Variants in BMPR2 observed in about 807,000 individuals in gnomAD.
BMPR2 encodes the protein bone morphogenetic protein receptor type 2.
Under a neutral mutation model 100.8 loss-of-function variants are expected in BMPR2, and 29 were observed. That is an observed-to-expected ratio of 0.29 (90% confidence interval 0.21 to 0.39). BMPR2 has a LOEUF of 0.39. BMPR2 is among the 10% of genes least tolerant of loss of function. The pLI is 1.00. For synonymous variants in BMPR2, 382 were observed against 442.3 expected, an observed-to-expected ratio of 0.86 and a Z score of 1.71; for missense variants, 1,011 against 1,274.5, an observed-to-expected ratio of 0.79 and a Z score of 3.15.
At chr2:202,542,644 C>G (rs1248154883) in intron 10 of BMPR2, among the ~76,000 whole-genome samples, 197 bp downstream of exon 10, 1 of 151,746 alleles carries the variant, frequency 6.6e-6, no homozygotes, top group East Asian at 1.9e-4. Context: ...TTGTTTTTTT[C>G]CAAGCTTAAA....
In BMPR2 at chr2:202,377,503, G is replaced by A. The variant is rs761823322; in HGVS notation, c.29G>A (p.Arg10Gln). MTSSLQRPW[R>Q]VPWLPWTILL... ...ACTTCCTCGCTGCAGCGGCCCTGGC[G>A]GGTGCCCTGGCTACCATGGACCATC... Residue 10 changes from arginine to glutamine, a missense_variant, in exon 1 of 13, where the codon CGG becomes CAG. Coordinates refer to ENST00000374580, the MANE Select transcript of BMPR2 (RefSeq NM_001204.7). The A allele has an allele frequency of 3.4e-5, 55 of 1,614,126 alleles. No homozygotes were observed. Among genetic ancestry groups the A allele is most frequent in the Non-Finnish European group, 4.2e-5 (50 of 1,180,048 alleles).
At chr2:202,408,628 A>C (rs981143702) in intron 1 of BMPR2, among the ~76,000 whole-genome samples, 1 of 152,222 alleles carries the variant, frequency 6.6e-6, no homozygotes, top group African/African-American at 2.4e-5. Context: ...TGTTTTTAGA[A>C]TAAATAAAAA....
chr2:202,552,080 C>A lies in BMPR2; in HGVS notation c.1414-636C>A, dbSNP rs185571276. 8.5e-5 allele frequency among the ~76,000 whole-genome samples: 13 copies of A among 152,236 alleles called. No individual in the cohort carries two copies. The East Asian group carries it at 2.5e-3, about 29-fold the overall frequency. On this transcript the variant is annotated intron_variant, in intron 10 of 12. Coordinates refer to ENST00000374580, the MANE Select transcript of BMPR2 (RefSeq NM_001204.7). ...GTATTGGCCAGGCTGGTCTCGAACT[C>A]CTGACCTCGTGATCCACCCGACTTG...
intron 3 of BMPR2, among the ~76,000 whole-genome samples, chr2:202,470,033 T>C (rs1259669387): frequency 6.6e-6 from 1 of 152,164 alleles, no homozygotes; most frequent in African/African-American, 2.4e-5. Flanking sequence ...CCATCGTAGA[T>C]GCATTATAGG....
intron 1 of BMPR2, among the ~76,000 whole-genome samples, chr2:202,407,630 G>A (rs1052609826): frequency 1.1e-4 from 17 of 151,488 alleles, no homozygotes; most frequent in African/African-American, 3.9e-4. Flanking sequence ...TCAGCCAGGC[G>A]TGGTGGCGGG....
chr2:202,459,974 A>G (rs939919563), intron 1 of BMPR2, among the ~76,000 whole-genome samples: 7 of 152,256 alleles, frequency 4.6e-5, no homozygotes, highest in African/African-American at 1.7e-4. Flanking sequence ...TTTCAAAAGA[A>G]GACATGCATA....
chr2:202,427,358 CAAAAAAAAAAAA>C (rs397872093), intron 1 of BMPR2, among the ~76,000 whole-genome samples: 3 of 78,860 alleles, frequency 3.8e-5, no homozygotes, highest in African/African-American at 1.5e-4. Flanking sequence ...GACCCTGGCT[CAAAAAAAAAAAA>C]AAAAAAAAAA....
chr2:202,406,710 G>A (rs983606009), intron 1 of BMPR2, among the ~76,000 whole-genome samples: 4 of 152,160 alleles, frequency 2.6e-5, no homozygotes, highest in Non-Finnish European at 5.9e-5. Context: ...TTGGATCATG[G>A]TGTCATTCCA....
At position 202,383,850 on chromosome 2, in the gene BMPR2, C is replaced by CA. The variant is rs995434945; in HGVS notation, c.76+6313dup. On this transcript the variant is annotated intron_variant, in intron 1 of 12. Coordinates refer to ENST00000374580, the MANE Select transcript of BMPR2 (RefSeq NM_001204.7). Reference sequence around the variant, plus strand: ...TGGGTGACAGGGCGAGACTCCATCTCAAAAAAAAAAAAATTACTATTTTCA... The same window carrying CA: ...TGGGTGACAGGGCGAGACTCCATCTCAAAAAAAAAAAAAATTACTATTTTCA... 5.7e-3 allele frequency among the ~76,000 whole-genome samples: 791 copies of CA among 139,424 alleles called. 2 individuals are homozygous for CA. The highest frequency in any genetic ancestry group is 8.8e-3 in the Non-Finnish European group (560 of 63,874). The allele number at this position is 139,424 out of a possible 152,430, so 91.5% of individuals were successfully genotyped here. A position where few individuals can be genotyped will look rare whatever the true frequency, so the allele number is the denominator to read the frequency against.
chr2:202,412,912 C>CTGTG (rs34767100), intron 1 of BMPR2, among the ~76,000 whole-genome samples: 27 of 150,386 alleles, frequency 1.8e-4, no homozygotes, highest in South Asian at 6.3e-4. Flanking sequence ...GTACTATATG[C>CTGTG]TGTGTGTGTG....
chr2:202,471,602 AT>A (rs1422097657), intron 3 of BMPR2, among the ~76,000 whole-genome samples: 1 of 152,156 alleles, frequency 6.6e-6, no homozygotes, highest in East Asian at 1.9e-4. Flanking sequence ...CAAATTAGGA[AT>A]GTTCTGTTAC....
At chr2:202,553,717 C>T (rs1285437965) in intron 11 of BMPR2, among the ~76,000 whole-genome samples, 1 of 150,756 alleles carries the variant, frequency 6.6e-6, no homozygotes, top group Non-Finnish European at 1.5e-5. Context: ...GAAACTGTGT[C>T]TTACTCTGTC....
chr2:202,379,943 C>G (rs567136989), intron 1 of BMPR2, among the ~76,000 whole-genome samples: 1 of 152,014 alleles, frequency 6.6e-6, no homozygotes, highest in African/African-American at 2.4e-5. Context: ...CCACAACTTC[C>G]GCCTCCCAGG....
At chr2:202,440,134 A>G (rs1167834032) in intron 1 of BMPR2, among the ~76,000 whole-genome samples, 6 of 150,852 alleles carry the variant, frequency 4.0e-5, no homozygotes, top group Middle Eastern at 6.8e-3. Context: ...ACACAGACAC[A>G]GTAACAATCT....
chr2:202,554,943 A>G (rs973784687), intron 11 of BMPR2, among the ~76,000 whole-genome samples: 1 of 152,204 alleles, frequency 6.6e-6, no homozygotes, highest in African/African-American at 2.4e-5. Context: ...ATAAATATAT[A>G]TTTCATGATG....
At chr2:202,445,179 T>C (rs978819245) in intron 1 of BMPR2, among the ~76,000 whole-genome samples, 1 of 150,536 alleles carries the variant, frequency 6.6e-6, no homozygotes, top group Non-Finnish European at 1.5e-5. Flanking sequence ...CTTTTTTGTA[T>C]AGGAGTCCCA....
chr2:202,545,930 A>C (rs1688367405), intron 10 of BMPR2, among the ~76,000 whole-genome samples: 1 of 152,226 alleles, frequency 6.6e-6, no homozygotes, highest in African/African-American at 2.4e-5. Context: ...CCTAAAAGAA[A>C]AATCTGTGAA....
chr2:202,469,476 A>T (rs1296335271), intron 3 of BMPR2: 3 of 306,154 alleles, frequency 9.8e-6, no homozygotes, highest in Non-Finnish European at 2.0e-5. Flanking sequence ...TTTTATTTTT[A>T]TTTTATTTAT....
At position 202,465,256 on chromosome 2, in the gene BMPR2, G is replaced by A. The variant is rs528820213; in HGVS notation, c.247+277G>A. 3.2e-4 allele frequency among the ~76,000 whole-genome samples: 48 copies of A among 152,018 alleles called. 1 individual carries two copies. The South Asian group carries it at 8.1e-3, about 26-fold the overall frequency. ...ATACAAAAATTAGTCGGGTATGGTGGTGTGCGCCTGTGGTCCCAGCTACTC... is the reference window on the plus strand; with the variant it reads ...ATACAAAAATTAGTCGGGTATGGTGATGTGCGCCTGTGGTCCCAGCTACTC... On this transcript the variant is annotated intron_variant, in intron 2 of 12. Coordinates refer to ENST00000374580, the MANE Select transcript of BMPR2 (RefSeq NM_001204.7).
Sources: gnomAD v4.1 joint callset for allele counts (sites outside exome capture counted in the v4.1 genomes callset) on GRCh38, gnomAD v4.1.1 for gene constraint, MANE v1.5 for transcripts, NCBI Gene and HGNC (gene_info 2026-07-23, HGNC 2026-07-21) for gene names.